Variants in GRIK5 observed in about 807,000 individuals in gnomAD.
The protein encoded by GRIK5 is glutamate ionotropic receptor kainate type subunit 5.
GRIK5 carries 43 observed loss-of-function variants against 97.4 expected under a neutral mutation model. That is an observed-to-expected ratio of 0.44 (90% CI 0.35 to 0.57). The LOEUF is 0.57. GRIK5 is among the 20% of genes least tolerant of loss of function. GRIK5 has a pLI of 0.01. For missense variants in GRIK5, 1,015 were observed against 1,382.0 expected (o/e 0.73, Z 4.21); for synonymous variants, 580 against 583.5 (o/e 0.99, Z 0.09).
At chr19:42,051,941 C>T (rs1297762548) in intron 11 of GRIK5, among the ~76,000 whole-genome samples, 1 of 152,180 alleles carries the variant, frequency 6.6e-6, no homozygotes, top group Non-Finnish European at 1.5e-5. Context: ...CCTCCTAAAG[C>T]TGACTCAGTC....
In GRIK5 at chr19:42,021,212, T is replaced by C; in HGVS notation, c.1871+89A>G. The C allele has an allele frequency of 9.5e-7, 1 of 1,056,098 alleles. No individual in the cohort carries two copies. The highest frequency in any genetic ancestry group is 1.4e-6 in the Non-Finnish European group (1 of 734,402). The allele number at this position is 1,056,098 out of a possible 1,614,324, so 65.4% of individuals were successfully genotyped here. On this transcript the variant is annotated intron_variant, in intron 15 of 19. Coordinates refer to ENST00000593562, the MANE Select transcript of GRIK5 (RefSeq NM_002088.5). This position sits in a 1 kb window ranked among gnomAD's most constrained non-coding sequence, Gnocchi z 4.2. ...GCAAGGGAAAACGGGGAATCAAATC[T>C]TCCAGGAGATGCCACAGCCCCAACC...
chr19:42,002,137 A>G lies in GRIK5; in HGVS notation c.2514+1195T>C. 1 of 717,564 alleles carries G rather than the reference A, an allele frequency of 1.4e-6. No individual in the cohort carries two copies. Among genetic ancestry groups the G allele is most frequent in the Non-Finnish European group, 2.6e-6 (1 of 385,022 alleles). 44.4% of individuals were successfully genotyped at this position (717,564 alleles called of 1,614,324 possible). ...ATTTCAGACATGGAAGTTGCTGGTG[A>G]CAAGAGTGGCTTCAGTGGAGTGGCA... On this transcript the variant is annotated intron_variant, in intron 19 of 19. Coordinates refer to ENST00000593562, the MANE Select transcript of GRIK5 (RefSeq NM_002088.5). This position sits in a 1 kb window ranked among gnomAD's most constrained non-coding sequence, Gnocchi z 5.2.
chr19:42,069,177 G>A (rs891851483), intron 1 of GRIK5, 64 bp downstream of exon 1: 4 of 381,414 alleles, frequency 1.0e-5, no homozygotes, highest in Admixed American at 4.6e-5. Flanking sequence ...CCTGCCAGGC[G>A]GCACCAGAGC....
intron 17 of GRIK5, among the ~76,000 whole-genome samples, chr19:42,005,450 C>A (rs2075477536): frequency 6.6e-6 from 1 of 152,128 alleles, no homozygotes; most frequent in Non-Finnish European, 1.5e-5. Flanking sequence ...AGACAGCAAG[C>A]CCCACCACCC....
At chr19:42,014,100 A>C (rs745738878) in intron 15 of GRIK5, among the ~76,000 whole-genome samples, 1 of 151,976 alleles carries the variant, frequency 6.6e-6, no homozygotes, top group Admixed American at 6.6e-5. Context: ...AAAATTTAAA[A>C]GAAAAATTAC....
intron 15 of GRIK5, among the ~76,000 whole-genome samples, chr19:42,012,165 C>G (rs750732590): frequency 6.6e-6 from 1 of 151,920 alleles, no homozygotes; most frequent in Non-Finnish European, 1.5e-5. Flanking sequence ...TTTGTACAGC[C>G]CCATAAGCTA....
At chr19:42,005,624 C>T in intron 17 of GRIK5, 99 bp downstream of exon 17, 1 of 781,030 alleles carries the variant, frequency 1.3e-6, no homozygotes, top group Non-Finnish European at 2.2e-6. Context: ...GCAACACACC[C>T]AGCCTGCCTC....
chr19:42,018,149 T>TA (rs11452086), intron 15 of GRIK5, among the ~76,000 whole-genome samples: 61,396 of 62,818 alleles, frequency 0.98, 30,209 homozygotes, highest in Non-Finnish European at 0.98. Context: ...CCATCTCTAC[T>TA]AAAAAAAAAA....
At chr19:42,039,435 G>A (rs2146099577) in intron 12 of GRIK5, among the ~76,000 whole-genome samples, 1 of 152,228 alleles carries the variant, frequency 6.6e-6, no homozygotes, top group South Asian at 2.1e-4. Context: ...ATCACCCCAT[G>A]GCACTCCAGC....
chr19:42,025,136 T>C (rs977479133), intron 12 of GRIK5, among the ~76,000 whole-genome samples: 3 of 152,066 alleles, frequency 2.0e-5, no homozygotes, highest in Non-Finnish European at 4.4e-5. Context: ...GGTGCCACAA[T>C]GAAACCTCAC....
intron 11 of GRIK5, among the ~76,000 whole-genome samples, chr19:42,043,399 ATTTTTTTTTTTT>A (rs984583211): frequency 4.3e-4 from 52 of 121,308 alleles, no homozygotes; most frequent in African/African-American, 1.4e-3. Flanking sequence ...AGATGGTGCA[ATTTTTTTTTTTT>A]TTTTTTTTTT....
At chr19:42,059,910 C>T (rs2076237173) in intron 5 of GRIK5, among the ~76,000 whole-genome samples, 1 of 152,090 alleles carries the variant, frequency 6.6e-6, no homozygotes, top group Non-Finnish European at 1.5e-5. Context: ...CACACCCAAT[C>T]CATCAAGGCC....
chr19:42,028,513 C>T (rs1046316685), intron 12 of GRIK5, among the ~76,000 whole-genome samples: 2 of 152,258 alleles, frequency 1.3e-5, no homozygotes, highest in Admixed American at 6.5e-5. Flanking sequence ...CTGGCAGCAT[C>T]GTTTCTTCTC....
chr19:42,050,176 C>T (rs1273493432), intron 11 of GRIK5, among the ~76,000 whole-genome samples: 2 of 152,094 alleles, frequency 1.3e-5, no homozygotes, highest in African/African-American at 2.4e-5. Context: ...GTGATCCTCC[C>T]GCCTCAGTCT....
At chr19:42,056,155 T>G (rs1368001620) in intron 8 of GRIK5, among the ~76,000 whole-genome samples, 2 of 152,048 alleles carry the variant, frequency 1.3e-5, no homozygotes, top group Non-Finnish European at 2.9e-5. Flanking sequence ...CAGCTAATTT[T>G]TGTACTTTTG....
intron 12 of GRIK5, among the ~76,000 whole-genome samples, chr19:42,029,573 C>T (rs527708275): frequency 2.6e-5 from 4 of 152,194 alleles, no homozygotes; most frequent in East Asian, 3.9e-4. Flanking sequence ...AGTGAGACTT[C>T]GTCTCAAAAC....
intron 5 of GRIK5, among the ~76,000 whole-genome samples, chr19:42,061,023 G>A (rs1346088284): frequency 2.0e-5 from 3 of 152,166 alleles, no homozygotes; most frequent in African/African-American, 7.2e-5. Context: ...CACAGAGCAG[G>A]TGCTTAATAA....
Position 42,021,198 on chromosome 19 carries a change from CG to C in GRIK5, c.1871+102del, listed in dbSNP as rs1456504329. 5.4e-6 allele frequency: 5 copies of C among 920,846 alleles called. No individual in the cohort carries two copies. The highest frequency in any genetic ancestry group is 8.1e-6 in the Non-Finnish European group (5 of 617,924). The allele number at this position is 920,846 out of a possible 1,614,324, so 57.0% of individuals were successfully genotyped here. A position where few individuals can be genotyped will look rare whatever the true frequency, so the allele number is the denominator to read the frequency against. On this transcript the variant is annotated intron_variant, in intron 15 of 19. Coordinates refer to ENST00000593562, the MANE Select transcript of GRIK5 (RefSeq NM_002088.5). The surrounding 1 kb of genome is among the most constrained non-coding windows in gnomAD (Gnocchi z 4.2). ...CGTCACACAGCTCTGCAAGGGAAAA[CG>C]GGGAATCAAATCTTCCAGGAGATGC...
intron 17 of GRIK5, 35 bp downstream of exon 17, chr19:42,005,688 G>A (rs782194319): frequency 8.1e-6 from 12 of 1,488,280 alleles, no homozygotes; most frequent in Admixed American, 3.5e-5. Flanking sequence ...GGATGCCCAC[G>A]GCCCTGCTGT....
Sources: gnomAD v4.1 joint callset for allele counts (sites outside exome capture counted in the v4.1 genomes callset) on GRCh38, gnomAD v4.1.1 for gene constraint, Gnocchi (gnomAD v3.1) non-coding constraint, MANE v1.5 for transcripts, NCBI Gene and HGNC (gene_info 2026-07-23, HGNC 2026-07-21) for gene names.